TIMM23B: variants seen among roughly 807,000 people sequenced by gnomAD.
The protein encoded by TIMM23B is mitochondrial import inner membrane translocase subunit Tim23B.
In TIMM23B, 27 loss-of-function variants were observed where a neutral mutation model predicts 27.3. That is an observed-to-expected ratio of 0.99 (90% CI 0.73 to 1.36). The LOEUF is 1.36. Among genes scored for constraint, TIMM23B ranks in the 40% most tolerant of loss-of-function variants. The pLI is 0.00. For missense variants in TIMM23B, 205 were observed against 244.2 expected (o/e 0.84, Z 1.07); for synonymous variants, 73 against 92.4 (o/e 0.79, Z 1.21).
Position 49,942,081 on chromosome 10 carries a change from G to C in TIMM23B, c.-114G>C. 1.5e-6 allele frequency: 2 copies of C among 1,321,586 alleles called. No homozygotes were observed. Among genetic ancestry groups the C allele is most frequent in the Non-Finnish European group, 2.1e-6 (2 of 975,132 alleles). 81.9% of individuals were successfully genotyped at this position (1,321,586 alleles called of 1,614,324 possible). On this transcript the variant is annotated 5_prime_UTR_variant, in exon 1 of 7. Transcript: ENST00000651259. ...GGGAACCGGCGCCCGGAATGTCAGC[G>C]TGTGAAGTAGGCGCTGGCAACGCGG...
At chr10:49,950,888 AT>A (rs1366249287) in intron 2 of TIMM23B, among the ~76,000 whole-genome samples, 3 of 151,060 alleles carry the variant, frequency 2.0e-5, no homozygotes, top group Non-Finnish European at 3.0e-5. Context: ...TTGAAGGATA[AT>A]TTTTTTTTTC....
intron 2 of TIMM23B, among the ~76,000 whole-genome samples, chr10:49,947,700 G>A (rs1233451097): frequency 2.6e-5 from 4 of 152,108 alleles, no homozygotes; most frequent in Admixed American, 1.3e-4. Context: ...AGGCTGAGGC[G>A]GGAGGATCAC....
intron 5 of TIMM23B, among the ~76,000 whole-genome samples, chr10:49,956,221 G>A (rs1228469572): frequency 7.2e-5 from 11 of 151,934 alleles, no homozygotes; most frequent in Admixed American, 2.6e-4. Context: ...AAGGCTGAGC[G>A]CGGTGTATTG....
chr10:49,969,139 G>A (rs11553375), intron 6 of TIMM23B, among the ~76,000 whole-genome samples: 145 of 140,538 alleles, frequency 1.0e-3, no homozygotes, highest in African/African-American at 3.6e-3. Flanking sequence ...TAGTGTGCCC[G>A]TGTTCATAAC....
At chr10:49,947,756 C>T (rs1392802096) in intron 2 of TIMM23B, among the ~76,000 whole-genome samples, 1 of 151,904 alleles carries the variant, frequency 6.6e-6, no homozygotes. Flanking sequence ...TAAGAAGATC[C>T]CATCTCTGCA....
At chr10:49,960,315 T>C (rs1839856913) in intron 6 of TIMM23B, among the ~76,000 whole-genome samples, 1 of 149,560 alleles carries the variant, frequency 6.7e-6, no homozygotes, top group Non-Finnish European at 1.5e-5. Context: ...CCTCCCAAAG[T>C]GCTAGGATTG....
At chr10:49,961,432 G>A (rs1478429952) in intron 6 of TIMM23B, among the ~76,000 whole-genome samples, 1 of 150,964 alleles carries the variant, frequency 6.6e-6, no homozygotes, top group Non-Finnish European at 1.5e-5. Flanking sequence ...GGGATCACTA[G>A]AAGACGGTTT....
At chr10:49,955,153 T>C (rs1839672906) in intron 5 of TIMM23B, 93 bp downstream of exon 5, 2 of 1,278,136 alleles carry the variant, frequency 1.6e-6, no homozygotes, top group South Asian at 1.2e-5. Context: ...ATTCTGGTCC[T>C]AGGATATGAG....
At chr10:49,949,837 C>T (rs1203332724) in intron 2 of TIMM23B, among the ~76,000 whole-genome samples, 2 of 150,636 alleles carry the variant, frequency 1.3e-5, no homozygotes, top group Non-Finnish European at 3.0e-5. Context: ...GTGACTTTGG[C>T]AACAACTTTT....
At chr10:49,967,621 C>A (rs1840221209) in intron 6 of TIMM23B, among the ~76,000 whole-genome samples, 2 of 151,588 alleles carry the variant, frequency 1.3e-5, no homozygotes, top group Admixed American at 6.6e-5. Flanking sequence ...AATGAGTATT[C>A]TTTTTTGCTT....
At chr10:49,966,937 C>G (rs1268191521) in intron 6 of TIMM23B, among the ~76,000 whole-genome samples, 2 of 123,836 alleles carry the variant, frequency 1.6e-5, no homozygotes, top group African/African-American at 5.0e-5. Flanking sequence ...TATGTTGAGC[C>G]CTTCCTTTTT....
chr10:49,958,744 A>G (rs1481626877), intron 6 of TIMM23B, among the ~76,000 whole-genome samples: 1 of 152,314 alleles, frequency 6.6e-6, no homozygotes, highest in South Asian at 2.1e-4. Context: ...CAAAACTGAT[A>G]CTCTGTACCT....
At chr10:49,966,765 C>T (rs1440795518) in intron 6 of TIMM23B, among the ~76,000 whole-genome samples, 1 of 150,682 alleles carries the variant, frequency 6.6e-6, no homozygotes, top group Non-Finnish European at 1.5e-5. Flanking sequence ...ATGGTGGTTG[C>T]CATGAGGCAA....
In TIMM23B at chr10:49,962,320, A is replaced by G. The variant is rs1350363866; in HGVS notation, c.514+3840A>G. The stretch of plus-strand genomic sequence containing the variant: ...TGGGTTCAAGCGATTCTCCTGCCTC[A>G]GCTTCCCAAGTAGCTGGGATTACAG... On this transcript the variant is annotated intron_variant, in intron 6 of 6. Coordinates refer to ENST00000651259, the MANE Select transcript of TIMM23B (RefSeq NM_001290117.2). Among the ~76,000 whole-genome samples the G allele has an allele frequency of 1.2e-4, 18 of 151,322 alleles. No individual in the cohort carries two copies. The East Asian group carries it at 3.5e-3, about 29-fold the overall frequency.
chr10:49,962,207 C>CT (rs879018940), intron 6 of TIMM23B, among the ~76,000 whole-genome samples: 29,134 of 143,140 alleles, frequency 0.2, 3,197 homozygotes, highest in Non-Finnish European at 0.27. Context: ...CTTTTTTTTG[C>CT]TTTTTTTTTT....
At chr10:49,966,388 A>AAATAATGAAATG (rs139291856) in intron 6 of TIMM23B, among the ~76,000 whole-genome samples, 10,323 of 151,920 alleles carry the variant, frequency 0.068, 475 homozygotes, top group African/African-American at 0.12. Flanking sequence ...TGAAGAAATG[A>AAATAATGAAATG]AATAATGAAA....
intron 5 of TIMM23B, among the ~76,000 whole-genome samples, chr10:49,955,681 C>G (rs1306302018): frequency 1.3e-5 from 2 of 152,186 alleles, no homozygotes; most frequent in Non-Finnish European, 2.9e-5. Context: ...AATTTTCCTA[C>G]TGTGTGAACT....
chr10:49,954,913 A>C, intron 4 of TIMM23B, 89 bp from the exon 5 acceptor site: 1 of 1,510,632 alleles, frequency 6.6e-7, no homozygotes, highest in Non-Finnish European at 9.2e-7. Flanking sequence ...CCCTGGGTCT[A>C]GACATGTTAA....
chr10:49,952,923 C>T (rs1290364517), intron 4 of TIMM23B, among the ~76,000 whole-genome samples: 3 of 152,070 alleles, frequency 2.0e-5, no homozygotes, highest in Non-Finnish European at 4.4e-5. Context: ...AGAGTGATGG[C>T]TCAAGCTGCC....
Sources: gnomAD v4.1 joint callset for allele counts (sites outside exome capture counted in the v4.1 genomes callset) on GRCh38, gnomAD v4.1.1 for gene constraint, MANE v1.5 for transcripts, NCBI Gene and HGNC (gene_info 2026-07-23, HGNC 2026-07-21) for gene names.